The following SLC8A1 variants were observed in gnomAD, a reference collection of about 807,000 sequenced individuals.
The protein encoded by SLC8A1 is solute carrier family 8 member A1.
A neutral mutation model predicts 68.3 loss-of-function variants in SLC8A1; 18 were observed. The ratio of observed to expected loss-of-function variants is 0.26; its 90% confidence interval spans 0.18 to 0.39. The LOEUF (loss-of-function observed/expected upper bound fraction) is 0.39. Ranked by LOEUF, SLC8A1 falls within the 10% of genes least tolerant of loss-of-function variation. The probability of loss-of-function intolerance (pLI) is 1.00; values close to 1 mark genes in which losing one functional copy is unlikely to be tolerated. For synonymous variants in SLC8A1, 475 were observed against 415.5 expected (o/e 1.14, Z -1.74); for missense variants, 985 against 1,156.7 (o/e 0.85, Z 2.15).
At chr2:40,121,621 T>C (rs2036838279) in intron 7 of SLC8A1, among the ~76,000 whole-genome samples, 1 of 152,184 alleles carries the variant, frequency 6.6e-6, no homozygotes, top group Admixed American at 6.5e-5. Flanking sequence ...TTTGCCAGGT[T>C]GGAAGCTTAC....
intron 7 of SLC8A1, among the ~76,000 whole-genome samples, chr2:40,117,664 C>T (rs1572736986): frequency 1.3e-5 from 2 of 152,110 alleles, no homozygotes; most frequent in East Asian, 1.9e-4. Flanking sequence ...TTTCCAAAGC[C>T]AGTAACAGCA....
intron 2 of SLC8A1, among the ~76,000 whole-genome samples, chr2:40,246,602 C>G (rs2061898716): frequency 6.6e-6 from 1 of 152,176 alleles, no homozygotes; most frequent in Non-Finnish European, 1.5e-5. Context: ...TCAAGGTCTG[C>G]CAGCTGAATG....
At chr2:40,158,271 A>G (rs2044973286) in intron 6 of SLC8A1, among the ~76,000 whole-genome samples, 1 of 152,208 alleles carries the variant, frequency 6.6e-6, no homozygotes, top group African/African-American at 2.4e-5. Context: ...GTAACAGCCT[A>G]AGAATACTGA....
chr2:40,190,795 C>G (rs1385197255), intron 2 of SLC8A1: 1 of 152,154 alleles, frequency 6.6e-6, no homozygotes, highest in East Asian at 1.9e-4. Context: ...AAATCAACCC[C>G]TAGTCTTATT....
chr2:40,431,775 A>G (rs927198836), intron 1 of SLC8A1, among the ~76,000 whole-genome samples: 3 of 152,014 alleles, frequency 2.0e-5, no homozygotes, highest in Non-Finnish European at 2.9e-5. Context: ...GCCACCCCAC[A>G]TTCGCCTACA....
At chr2:40,200,206 AAATATATATATATTTTTTTAT>A (rs2053955462) in intron 2 of SLC8A1, among the ~76,000 whole-genome samples, 1 of 12,478 alleles carries the variant, frequency 8.0e-5, no homozygotes, top group African/African-American at 4.6e-4. Flanking sequence ...ATATATATAT[AAATATATATATATTTTTTTAT>A]ATATATATAT....
intron 2 of SLC8A1, among the ~76,000 whole-genome samples, chr2:40,186,082 G>A (rs2050650174): frequency 6.6e-6 from 1 of 152,150 alleles, no homozygotes; most frequent in African/African-American, 2.4e-5. Flanking sequence ...TGTTACCTCA[G>A]GCTGGCTTCC....
chr2:40,328,775 T>C (rs2076108878), intron 2 of SLC8A1, among the ~76,000 whole-genome samples: 2 of 152,112 alleles, frequency 1.3e-5, no homozygotes, highest in Non-Finnish European at 2.9e-5. Flanking sequence ...TGACTTCCAA[T>C]TTCCTCCTAT....
intron 2 of SLC8A1, among the ~76,000 whole-genome samples, chr2:40,322,890 G>A (rs191816601): frequency 6.6e-6 from 1 of 151,330 alleles, no homozygotes; most frequent in South Asian, 2.1e-4. Context: ...TTAATCCTTA[G>A]AGCAACTCTC....
chr2:40,501,823 G>A (rs1044250201), intron 1 of SLC8A1, among the ~76,000 whole-genome samples: 4 of 151,968 alleles, frequency 2.6e-5, no homozygotes, highest in African/African-American at 4.8e-5. Context: ...TTTACAACAA[G>A]AATATGTCAT....
intron 2 of SLC8A1, among the ~76,000 whole-genome samples, chr2:40,272,582 G>C (rs550380446): frequency 6.6e-6 from 1 of 152,310 alleles, no homozygotes; most frequent in East Asian, 1.9e-4. Flanking sequence ...CCCTGCACCT[G>C]TGCAGAGCCT....
intron 1 of SLC8A1, among the ~76,000 whole-genome samples, chr2:40,469,712 C>T (rs1312692136): frequency 1.3e-5 from 2 of 151,970 alleles, no homozygotes; most frequent in Non-Finnish European, 2.9e-5. Flanking sequence ...ATTTCTCTGT[C>T]CCCTGTCTTT....
intron 2 of SLC8A1, among the ~76,000 whole-genome samples, chr2:40,182,873 C>A (rs2049892781): frequency 6.6e-6 from 1 of 152,130 alleles, no homozygotes; most frequent in Non-Finnish European, 1.5e-5. Context: ...TTCTTTAAGT[C>A]TGCCCTTGAT....
At chr2:40,353,918 G>A (rs1671892875) in intron 2 of SLC8A1, among the ~76,000 whole-genome samples, 1 of 152,172 alleles carries the variant, frequency 6.6e-6, no homozygotes, top group African/African-American at 2.4e-5. Context: ...AAAGGAAAAG[G>A]GAAGTAGATA....
intron 1 of SLC8A1, among the ~76,000 whole-genome samples, chr2:40,436,051 T>C (rs1188861544): frequency 6.6e-6 from 1 of 151,848 alleles, no homozygotes; most frequent in Non-Finnish European, 1.5e-5. Flanking sequence ...ATTACAGGCA[T>C]GAACCACCAC....
At chr2:40,338,019 C>A (rs906818471) in intron 2 of SLC8A1, among the ~76,000 whole-genome samples, 3 of 152,070 alleles carry the variant, frequency 2.0e-5, no homozygotes, top group African/African-American at 7.2e-5. Flanking sequence ...GAAGCAAAGG[C>A]AGCATCTGAA....
chr2:40,165,359 C>T (rs1174529163), intron 4 of SLC8A1, among the ~76,000 whole-genome samples: 1 of 152,082 alleles, frequency 6.6e-6, no homozygotes, highest in Admixed American at 6.6e-5. Flanking sequence ...CAGCACGTGA[C>T]CAAAGGGAAA....
chr2:40,139,051 G>C (rs913859554), intron 7 of SLC8A1, among the ~76,000 whole-genome samples: 1 of 152,126 alleles, frequency 6.6e-6, no homozygotes, highest in African/African-American at 2.4e-5. Context: ...CAGAAATTTG[G>C]TTCTTAAAGC....
chr2:40,257,765 T>C lies in SLC8A1; in HGVS notation c.1809-79910A>G, dbSNP rs1052362456. 2.6e-5 allele frequency among the ~76,000 whole-genome samples: 4 copies of C among 152,256 alleles called. 1 individual carries two copies. The highest frequency in any genetic ancestry group is 4.4e-5 in the Non-Finnish European group (3 of 68,048). On this transcript the variant is annotated intron_variant, in intron 2 of 7. Transcript: ENST00000406785. ...GTGCAAAGCACCTAACTGAACCAAA[T>C]TGTCCTTTTTCTAAATTTGACCTTC...
Sources: allele counts gnomAD v4.1 joint callset (sites outside exome capture counted in the v4.1 genomes callset), GRCh38; gene constraint gnomAD v4.1.1; transcripts MANE v1.5; gene names NCBI Gene and HGNC (gene_info 2026-07-23, HGNC 2026-07-21).